KIN: variants seen among roughly 807,000 people sequenced by gnomAD.
KIN encodes Kin17 DNA and RNA binding protein.
KIN carries 47 observed loss-of-function variants against 63.0 expected under a neutral mutation model. That is an observed-to-expected ratio of 0.75 (90% CI 0.59 to 0.95). KIN has a LOEUF of 0.95. Ranked by LOEUF, KIN falls within the 40% of genes least tolerant of loss-of-function variation. The pLI, the probability that KIN is intolerant of heterozygous loss-of-function variation, is 0.00. For synonymous variants in KIN, 160 were observed against 157.7 expected (o/e 1.01, Z -0.11); for missense variants, 408 against 460.9 (o/e 0.89, Z 1.05).
At chr10:7,773,028 C>T (rs562929625) in intron 7 of KIN, among the ~76,000 whole-genome samples, 3 of 152,234 alleles carry the variant, frequency 2.0e-5, no homozygotes, top group African/African-American at 7.2e-5. Flanking sequence ...AGATTTGACA[C>T]CTGGAGGAAA....
chr10:7,778,579 C>A (rs1835828398), intron 5 of KIN, among the ~76,000 whole-genome samples: 1 of 151,986 alleles, frequency 6.6e-6, no homozygotes, highest in African/African-American at 2.4e-5. Flanking sequence ...TCTCTACTAA[C>A]AATACAAAAA....
intron 2 of KIN, 117 bp from the exon 3 acceptor site, chr10:7,780,424 C>T (rs141963988): frequency 0.021 from 16,322 of 786,624 alleles, 196 homozygotes; most frequent in Non-Finnish European, 0.025. Flanking sequence ...GACAGAGTCT[C>T]GTTCTCGTCA....
At chr10:7,776,229 C>CA (rs66884181) in intron 5 of KIN, among the ~76,000 whole-genome samples, 159 of 112,974 alleles carry the variant, frequency 1.4e-3, no homozygotes, top group African/African-American at 2.4e-3. Flanking sequence ...GACTCCATCT[C>CA]AAAAAAAAAA....
Position 7,778,885 on chromosome 10 carries a change from T to A in KIN, c.511A>T (p.Lys171Ter). 1.9e-6 allele frequency: 3 copies of A among 1,614,178 alleles called. No individual in the cohort carries two copies. Among genetic ancestry groups the A allele is most frequent in the Non-Finnish European group, 8.5e-7 (1 of 1,180,032 alleles). ...QDLDDEEKTAKFIEEQVRRGL... is the reference protein window; with the variant it reads ...QDLDDEEKTA ...CTTCTCACTTGCTCTTCAATAAATTTGGCAGTTTTTTCTTCATCATCAAGG... is the reference window on the plus strand; with the variant it reads ...CTTCTCACTTGCTCTTCAATAAATTAGGCAGTTTTTTCTTCATCATCAAGG... The change falls in exon 5 of 13, where the codon AAA becomes TAA. Residue 171 changes from lysine (K) to a stop codon, truncating the protein, a stop_gained. Transcript: ENST00000379562. LOFTEE classifies it high-confidence loss of function.
intron 7 of KIN, among the ~76,000 whole-genome samples, chr10:7,770,223 G>C (rs1835640174): frequency 6.6e-6 from 1 of 152,202 alleles, no homozygotes; most frequent in Non-Finnish European, 1.5e-5. Context: ...AAGCCACCGT[G>C]CCCGGCTGAC....
intron 7 of KIN, among the ~76,000 whole-genome samples, chr10:7,769,901 T>C (rs1016998547): frequency 3.9e-5 from 6 of 152,232 alleles, no homozygotes; most frequent in African/African-American, 1.4e-4. Context: ...TTAAAAGTTT[T>C]TAACTGCTCC....
At chr10:7,785,891 G>A (rs11255366) in intron 1 of KIN, among the ~76,000 whole-genome samples, 52,712 of 151,816 alleles carry the variant, frequency 0.35, 10,004 homozygotes, top group Non-Finnish European at 0.43. Context: ...AATTAAATTT[G>A]GAGAAAACTA....
At chr10:7,764,034 A>G (rs1475539425) in intron 9 of KIN, among the ~76,000 whole-genome samples, 1 of 152,190 alleles carries the variant, frequency 6.6e-6, no homozygotes, top group African/African-American at 2.4e-5. Flanking sequence ...ACATATATAT[A>G]AAAAATGTCT....
chr10:7,763,982 C>T (rs549811092), intron 9 of KIN, among the ~76,000 whole-genome samples, 191 bp from the exon 10 acceptor site: 1 of 152,272 alleles, frequency 6.6e-6, no homozygotes, highest in African/African-American at 2.4e-5. Context: ...TTCCTTCTTC[C>T]CCTTTCTGTT....
In KIN at chr10:7,755,688, T is replaced by A. The variant is rs1360868977; in HGVS notation, c.*392A>T. The A allele has an allele frequency of 6.5e-6, 1 of 154,482 alleles. No homozygotes were observed. 9.6% of individuals were successfully genotyped at this position (154,482 alleles called of 1,614,324 possible). Reference sequence around the variant, plus strand: ...TAAAGCTGCTTCTATATTTATAGTTTGACATTTAAAATTTAGTCACACTTA... The same window carrying A: ...TAAAGCTGCTTCTATATTTATAGTTAGACATTTAAAATTTAGTCACACTTA... On this transcript the variant is annotated 3_prime_UTR_variant, in exon 13 of 13. Coordinates refer to ENST00000379562, the MANE Select transcript of KIN (RefSeq NM_012311.4).
rs1195863217 is a variant in KIN, at chr10:7,776,533, C to T, written c.559-734G>A. Among the ~76,000 whole-genome samples the T allele has an allele frequency of 2.7e-5, 4 of 148,834 alleles. 1 individual carries two copies. Among genetic ancestry groups the T allele is most frequent in the South Asian group, 4.3e-4 (2 of 4,668 alleles). On this transcript the variant is annotated intron_variant, in intron 5 of 12. Transcript: ENST00000379562. The stretch of plus-strand genomic sequence containing the variant: ...CTCCAGGCTGGGTGAAAGAGCGAGA[C>T]GAGCCTGGCCAACTTGGTGAAACCC...
chr10:7,774,890 G>T lies in KIN; in HGVS notation c.609C>A (p.Val203=). 6.2e-7 allele frequency: 1 copy of T among 1,609,258 alleles called. No homozygotes were observed. The change falls in exon 7 of 13, where the codon GTC becomes GTA. Residue 203 remains valine (V), a splice_region_variant and synonymous_variant. Coordinates refer to ENST00000379562, the MANE Select transcript of KIN (RefSeq NM_012311.4). ...ATGCTCCTTTACTCAAATTAAACGT[G>T]ACTAGAAGAAAAAAATGTTATTCCA... ...ELSRENDEEK[V]TFNLSKGACS... is the part of the protein sequence containing the mutation.
chr10:7,777,499 C>T (rs1027976413), intron 5 of KIN, among the ~76,000 whole-genome samples: 1 of 152,178 alleles, frequency 6.6e-6, no homozygotes, highest in Non-Finnish European at 1.5e-5. Flanking sequence ...GCACCTCATA[C>T]ACTTTAATCA....
Position 7,759,904 on chromosome 10 carries a change from T to C in KIN, c.1105A>G (p.Ile369Val), listed in dbSNP as rs765522127. ...SINEKTFSAT[I>V]VIETGPLKGR... ...AACAAACTTACAGTTTCAATGACGATAGTAGCTGAAAAAGTCTTCTCATTG... is the reference window on the plus strand; with the variant it reads ...AACAAACTTACAGTTTCAATGACGACAGTAGCTGAAAAAGTCTTCTCATTG... The change falls in exon 12 of 13, where the codon ATC (isoleucine) becomes GTC (valine). Residue 369 changes from isoleucine (I) to valine (V), a missense_variant. Ile to Val is a conservative substitution (Grantham distance 29). Around this residue, in one of 2 missense-constraint regions of KIN, gnomAD observed 298 missense variants for 296.0 expected, o/e 1.01. Coordinates refer to ENST00000379562, the MANE Select transcript of KIN (RefSeq NM_012311.4). The C allele has an allele frequency of 4.2e-5, 65 of 1,530,158 alleles. 1 individual carries two copies. Among genetic ancestry groups the C allele is most frequent in the South Asian group, 2.9e-4 (25 of 85,074 alleles). The allele number at this position is 1,530,158 out of a possible 1,614,324, so 94.8% of individuals were successfully genotyped here.
chr10:7,779,179 A>G (rs747344037), intron 4 of KIN, among the ~76,000 whole-genome samples, 160 bp from the exon 5 acceptor site: 1 of 152,164 alleles, frequency 6.6e-6, no homozygotes, highest in Non-Finnish European at 1.5e-5. Flanking sequence ...AGGCCAACAC[A>G]GGTGGATCAC....
At chr10:7,765,450 A>G (rs1835525395) in intron 9 of KIN, among the ~76,000 whole-genome samples, 1 of 152,170 alleles carries the variant, frequency 6.6e-6, no homozygotes, top group Non-Finnish European at 1.5e-5. Context: ...AAAAAAAAGA[A>G]TAAGACACTC....
At chr10:7,774,700 C>T in intron 7 of KIN, 131 bp downstream of exon 7, 3 of 711,964 alleles carry the variant, frequency 4.2e-6, no homozygotes, top group South Asian at 1.9e-5. Flanking sequence ...AAAAACAACG[C>T]AACCAATAAA....
At chr10:7,756,869 C>T (rs1488889283) in intron 12 of KIN, among the ~76,000 whole-genome samples, 2 of 151,994 alleles carry the variant, frequency 1.3e-5, no homozygotes, top group East Asian at 1.9e-4. Flanking sequence ...TCTTTCATAT[C>T]GAACAAAAAG....
chr10:7,774,925 T>C (rs760785727), intron 6 of KIN, 34 bp from the exon 7 acceptor site: 2 of 1,476,012 alleles, frequency 1.4e-6, no homozygotes, highest in African/African-American at 1.4e-5. Flanking sequence ...ATACATACAT[T>C]TCAAGAAAAT....
Sources: allele counts gnomAD v4.1 joint callset (sites outside exome capture counted in the v4.1 genomes callset), GRCh38; gene constraint gnomAD v4.1.1; regional missense constraint gnomAD v4.1.1; transcripts MANE v1.5; gene names NCBI Gene and HGNC (gene_info 2026-07-23, HGNC 2026-07-21).